The following LMO7 variants were observed in gnomAD, a reference collection of about 807,000 sequenced individuals.
LMO7 encodes LIM domain only protein 7.
In LMO7, 120 loss-of-function variants were observed where a neutral mutation model predicts 206.5. That is an observed-to-expected ratio of 0.58 (90% CI 0.50 to 0.68). LMO7 has a LOEUF of 0.68. Among genes scored for constraint, LMO7 ranks in the 30% least tolerant of loss-of-function variants. LMO7 has a pLI of 0.00. For missense variants in LMO7, 1,959 were observed against 1,957.9 expected (o/e 1.00, Z -0.01); for synonymous variants, 706 against 681.5 (o/e 1.04, Z -0.56).
intron 14 of LMO7, among the ~76,000 whole-genome samples, chr13:75,821,981 A>G (rs1421919067): frequency 6.6e-6 from 1 of 151,140 alleles, no homozygotes; most frequent in African/African-American, 2.5e-5. Flanking sequence ...AGCAATTCAT[A>G]TGGTTTAGCC....
chr13:75,755,046 C>T (rs1459727077), intron 3 of LMO7, among the ~76,000 whole-genome samples: 2 of 152,148 alleles, frequency 1.3e-5, no homozygotes, highest in African/African-American at 4.8e-5. Flanking sequence ...CCACCTTTTC[C>T]CTCAAGGGAT....
At chr13:75,745,268 G>T (rs1216048439) in intron 3 of LMO7, among the ~76,000 whole-genome samples, 1 of 152,096 alleles carries the variant, frequency 6.6e-6, no homozygotes, top group Non-Finnish European at 1.5e-5. Context: ...TGTTGGGTAG[G>T]CTACATTTTA....
At chr13:75,767,574 C>CA (rs35515814) in intron 4 of LMO7, among the ~76,000 whole-genome samples, 19,616 of 150,934 alleles carry the variant, frequency 0.13, 1,638 homozygotes, top group South Asian at 0.24. Context: ...CTGCCCTCCT[C>CA]AAAAAAAAAG....
At chr13:75,806,134 G>A (rs1220174749) in intron 9 of LMO7, 1 of 1,025,390 alleles carries the variant, frequency 9.8e-7, no homozygotes, top group African/African-American at 1.7e-5. Flanking sequence ...AGCACAAAAA[G>A]CAGAGCATAG....
Position 75,807,714 on chromosome 13 carries a change from T to C in LMO7, c.1431T>C (p.Val477=). The C allele has an allele frequency of 6.2e-7, 1 of 1,614,010 alleles. No individual in the cohort carries two copies. The highest frequency in any genetic ancestry group is 1.1e-5 in the South Asian group (1 of 91,082). The change falls in exon 10 of 31, where the codon GTT becomes GTC. Residue 477 remains valine, a synonymous_variant. Coordinates refer to ENST00000377534, the MANE Select transcript of LMO7 (RefSeq NM_001306080.2). The part of the protein sequence containing the change: ...KTGAFHANPY[V]LRAFEDFRKF... ...GGGCTTTCCATGCAAATCCATATGT[T>C]CTCCGAGCTTTTGAAGACTTTAGAA...
chr13:75,799,454 A>G (rs913251633), intron 6 of LMO7, among the ~76,000 whole-genome samples: 2 of 152,184 alleles, frequency 1.3e-5, no homozygotes, highest in South Asian at 2.1e-4. Flanking sequence ...TTTCTCCCCC[A>G]AATACTCAGT....
At chr13:75,776,162 GATATATATAT>G (rs58964680) in intron 4 of LMO7, among the ~76,000 whole-genome samples, 3,413 of 36,728 alleles carry the variant, frequency 0.093, 209 homozygotes, top group Non-Finnish European at 0.15. Flanking sequence ...ATATATATCG[GATATATATAT>G]ATATATATAT....
intron 8 of LMO7, 52 bp from the exon 9 acceptor site, chr13:75,805,427 C>T: frequency 6.5e-7 from 1 of 1,546,254 alleles, no homozygotes; most frequent in South Asian, 1.2e-5. Flanking sequence ...CATTTGTGTT[C>T]TGTGTCACAA....
At chr13:75,784,985 A>T (rs1320877977) in intron 4 of LMO7, among the ~76,000 whole-genome samples, 1 of 152,180 alleles carries the variant, frequency 6.6e-6, no homozygotes, top group Non-Finnish European at 1.5e-5. Context: ...TCTTTTAAAA[A>T]GTGCTTTGGC....
At chr13:75,836,266 G>A in intron 18 of LMO7, 131 bp from the exon 19 acceptor site, 1 of 597,028 alleles carries the variant, frequency 1.7e-6, no homozygotes, top group Non-Finnish European at 3.0e-6. Context: ...CATGTAAAAG[G>A]CTGTAAGGAA....
intron 2 of LMO7, among the ~76,000 whole-genome samples, chr13:75,723,986 G>C (rs890108742): frequency 6.6e-6 from 1 of 152,062 alleles, no homozygotes; most frequent in African/African-American, 2.4e-5. Context: ...GTTGTGGAAG[G>C]GGCAAGGCAG....
intron 3 of LMO7, among the ~76,000 whole-genome samples, chr13:75,735,393 T>C (rs1165383616): frequency 6.6e-6 from 1 of 152,046 alleles, no homozygotes; most frequent in Non-Finnish European, 1.5e-5. Context: ...AACTTTCTAC[T>C]AGTAATACAG....
At chr13:75,802,452 C>G (rs2054875499) in intron 7 of LMO7, among the ~76,000 whole-genome samples, 1 of 152,174 alleles carries the variant, frequency 6.6e-6, no homozygotes, top group African/African-American at 2.4e-5. Flanking sequence ...TACTGAAGAA[C>G]CTACTCCATG....
chr13:75,691,406 A>G (rs1175895445), intron 1 of LMO7, among the ~76,000 whole-genome samples: 1 of 152,222 alleles, frequency 6.6e-6, no homozygotes, highest in African/African-American at 2.4e-5. Flanking sequence ...ACTTAACAGT[A>G]AACAACCTGG....
chr13:75,769,828 A>G (rs2049393930), intron 4 of LMO7, among the ~76,000 whole-genome samples: 2 of 152,142 alleles, frequency 1.3e-5, no homozygotes, highest in South Asian at 4.1e-4. Context: ...ATTACATTAT[A>G]GTAATACTGA....
chr13:75,732,577 C>T (rs1217981320), intron 3 of LMO7, among the ~76,000 whole-genome samples: 3 of 152,192 alleles, frequency 2.0e-5, no homozygotes, highest in Admixed American at 2.0e-4. Context: ...TGACTTTCCT[C>T]CTGTAGCTCG....
At chr13:75,763,469 G>A (rs889114812) in intron 4 of LMO7, among the ~76,000 whole-genome samples, 3 of 152,144 alleles carry the variant, frequency 2.0e-5, no homozygotes, top group African/African-American at 4.8e-5. Flanking sequence ...ATGCATTTCT[G>A]TGTTAGTATG....
chr13:75,653,968 G>T (rs1459410386), intron 1 of LMO7, among the ~76,000 whole-genome samples: 1 of 152,124 alleles, frequency 6.6e-6, no homozygotes, highest in Non-Finnish European at 1.5e-5. Context: ...CAACCATAGT[G>T]GATCTCTTGA....
At chr13:75,840,769 G>A (rs1274628827) in intron 22 of LMO7, among the ~76,000 whole-genome samples, 1 of 152,148 alleles carries the variant, frequency 6.6e-6, no homozygotes, top group African/African-American at 2.4e-5. Flanking sequence ...CACAGACTTT[G>A]TGATGACTTG....
Sources: allele counts gnomAD v4.1 joint callset (sites outside exome capture counted in the v4.1 genomes callset), GRCh38; gene constraint gnomAD v4.1.1; transcripts MANE v1.5; gene names NCBI Gene and HGNC (gene_info 2026-07-23, HGNC 2026-07-21).